Variants in CPNE8 observed in about 807,000 individuals in gnomAD.
The protein encoded by CPNE8 is copine-8.
A neutral mutation model predicts 81.5 loss-of-function variants in CPNE8; 45 were observed. The observed-to-expected ratio is 0.55, with a 90% confidence interval of 0.44 to 0.71. The LOEUF (loss-of-function observed/expected upper bound fraction) is 0.71, where lower values mean the gene tolerates loss of function less well. Ranked by LOEUF, CPNE8 falls within the 30% of genes least tolerant of loss-of-function variation. The pLI is 0.00. For synonymous variants in CPNE8, 252 were observed against 226.3 expected (o/e 1.11, Z -1.02); for missense variants, 594 against 672.1 (o/e 0.88, Z 1.28).
intron 13 of CPNE8, among the ~76,000 whole-genome samples, chr12:38,704,991 T>C (rs1268357748): frequency 4.7e-5 from 7 of 148,320 alleles, no homozygotes; most frequent in African/African-American, 9.9e-5. Context: ...TTTTTGAGTA[T>C]ACCTATGACT....
intron 13 of CPNE8, among the ~76,000 whole-genome samples, chr12:38,704,836 A>G (rs10783327): frequency 0.49 from 21,259 of 43,466 alleles, 4,136 homozygotes; most frequent in East Asian, 0.63. Context: ...GTATATATAT[A>G]TATATATATA....
chr12:38,842,712 G>T (rs1184127155), intron 4 of CPNE8, among the ~76,000 whole-genome samples: 2 of 151,372 alleles, frequency 1.3e-5, no homozygotes, highest in Non-Finnish European at 2.9e-5. Flanking sequence ...AGTCACTGGG[G>T]TGACATAGGT....
chr12:38,652,521 T>G lies in CPNE8; in HGVS notation c.*1361A>C, dbSNP rs191712952. 343 of 152,474 alleles carry G rather than the reference T, an allele frequency of 2.2e-3. 1 individual carries two copies. Among genetic ancestry groups the G allele is most frequent in the South Asian group, 4.8e-3 (23 of 4,820 alleles). 9.4% of individuals were successfully genotyped at this position (152,474 alleles called of 1,614,324 possible). On this transcript the variant is annotated 3_prime_UTR_variant, in exon 20 of 20. Coordinates refer to ENST00000331366, the MANE Select transcript of CPNE8 (RefSeq NM_153634.3). The stretch of plus-strand genomic sequence containing the variant: ...GGTCAACTTGGGACAAAGAAAACAA[T>G]GTACAGTAGAAATAAACCAAGTATT...
intron 12 of CPNE8, 84 bp from the exon 13 acceptor site, chr12:38,723,917 T>A (rs1940634052): frequency 1.1e-5 from 9 of 791,532 alleles, no homozygotes; most frequent in Non-Finnish European, 1.9e-5. Context: ...AAAATCATAT[T>A]TCTTTGCATT....
rs1938739075 is a variant in CPNE8 at position 38,653,207 on chromosome 12, C to A, written c.*675G>T. ...TAGAACCCAAACTCCATGAAAAATG[C>A]ATGTTCAACCAGGAGACACATCTGC... is the stretch of plus-strand genomic sequence containing the variant. On this transcript the variant is annotated 3_prime_UTR_variant, in exon 20 of 20. Transcript: ENST00000331366. 6.6e-6 allele frequency: 1 copy of A among 152,592 alleles called. No homozygotes were observed. Among genetic ancestry groups the A allele is most frequent in the African/African-American group, 2.4e-5 (1 of 41,452 alleles). The allele number at this position is 152,592 out of a possible 1,614,324, so 9.5% of individuals were successfully genotyped here.
chr12:38,741,403 A>G (rs1941101387), intron 10 of CPNE8, among the ~76,000 whole-genome samples: 1 of 152,220 alleles, frequency 6.6e-6, no homozygotes. Context: ...CTGATCTTTG[A>G]CAAACCTGAC....
intron 6 of CPNE8, among the ~76,000 whole-genome samples, chr12:38,814,421 A>G (rs556828763): frequency 4.7e-4 from 70 of 148,048 alleles, no homozygotes; most frequent in African/African-American, 1.7e-3. Flanking sequence ...GGTTCAAGCA[A>G]TCTTCCTGTC....
intron 13 of CPNE8, among the ~76,000 whole-genome samples, chr12:38,714,076 A>G (rs1940327302): frequency 6.6e-6 from 1 of 152,084 alleles, no homozygotes; most frequent in South Asian, 2.1e-4. Context: ...CACTTGAGAG[A>G]CATAGAGGAC....
At chr12:38,863,302 T>C (rs1185427283) in intron 3 of CPNE8, among the ~76,000 whole-genome samples, 1 of 152,206 alleles carries the variant, frequency 6.6e-6, no homozygotes, top group Non-Finnish European at 1.5e-5. Context: ...TAAGTAGACA[T>C]GTATGTAACG....
chr12:38,845,575 G>T (rs1003683292), intron 4 of CPNE8, among the ~76,000 whole-genome samples: 2 of 151,036 alleles, frequency 1.3e-5, no homozygotes, highest in African/African-American at 4.9e-5. Context: ...ACATTGCTAA[G>T]AATTTTAAAA....
intron 4 of CPNE8, 114 bp from the exon 5 acceptor site, chr12:38,840,069 T>C (rs1307196190): frequency 2.8e-6 from 3 of 1,068,444 alleles, no homozygotes; most frequent in African/African-American, 1.6e-5. Flanking sequence ...ATAATACCAA[T>C]AGGAAGAAAA....
chr12:38,837,203 G>A (rs573113888), intron 5 of CPNE8, among the ~76,000 whole-genome samples: 2 of 152,148 alleles, frequency 1.3e-5, no homozygotes, highest in African/African-American at 4.8e-5. Context: ...TTTGTTAGAA[G>A]GAATAGGACT....
intron 6 of CPNE8, among the ~76,000 whole-genome samples, chr12:38,792,201 C>A (rs1023970760): frequency 4.6e-4 from 70 of 150,778 alleles, no homozygotes; most frequent in African/African-American, 1.6e-3. Context: ...AAACCTAAAC[C>A]CAAAGCTAGG....
chr12:38,855,346 A>AT (rs1344644287), intron 3 of CPNE8, among the ~76,000 whole-genome samples: 1 of 152,064 alleles, frequency 6.6e-6, no homozygotes, highest in Non-Finnish European at 1.5e-5. Context: ...ATTCCAAGTC[A>AT]TTTTTCACAG....
intron 19 of CPNE8, among the ~76,000 whole-genome samples, chr12:38,664,036 G>A (rs1448407442): frequency 6.6e-6 from 1 of 152,130 alleles, no homozygotes; most frequent in South Asian, 2.1e-4. Flanking sequence ...GGCTAGATAG[G>A]AGGAATAAAT....
chr12:38,733,327 T>C (rs915678808), intron 10 of CPNE8, among the ~76,000 whole-genome samples: 1 of 151,944 alleles, frequency 6.6e-6, no homozygotes, highest in Non-Finnish European at 1.5e-5. Context: ...TTTTCACTGA[T>C]TTTTATTATA....
chr12:38,818,218 A>G (rs1205643966), intron 6 of CPNE8, among the ~76,000 whole-genome samples: 1 of 151,982 alleles, frequency 6.6e-6, no homozygotes, highest in Non-Finnish European at 1.5e-5. Context: ...GCTGCCACCC[A>G]TCAACCATCA....
intron 5 of CPNE8, among the ~76,000 whole-genome samples, chr12:38,839,039 TGTTA>T (rs1943427649): frequency 6.6e-6 from 1 of 152,162 alleles, no homozygotes; most frequent in Non-Finnish European, 1.5e-5. Context: ...TTCTGGGAAC[TGTTA>T]GTCCAGCCAG....
intron 6 of CPNE8, among the ~76,000 whole-genome samples, chr12:38,817,404 T>C (rs965850882): frequency 5.3e-5 from 8 of 152,210 alleles, no homozygotes; most frequent in South Asian, 2.1e-4. Context: ...CAGATAAAGG[T>C]GGGCCACTGG....
Sources: allele counts gnomAD v4.1 joint callset (sites outside exome capture counted in the v4.1 genomes callset), GRCh38; gene constraint gnomAD v4.1.1; transcripts MANE v1.5; gene names NCBI Gene and HGNC (gene_info 2026-07-23, HGNC 2026-07-21).